Variants in FGF12 observed in about 807,000 individuals in gnomAD.
FGF12 encodes the protein fibroblast growth factor 12B.
FGF12 carries 14 observed loss-of-function variants against 23.6 expected under a neutral mutation model. The observed-to-expected ratio is 0.59, with a 90% CI of 0.39 to 0.93. FGF12 has a LOEUF of 0.93. Ranked by LOEUF, FGF12 falls within the 40% of genes least tolerant of loss-of-function variation. The pLI, the probability that FGF12 is intolerant of heterozygous loss-of-function variation, is 0.00. For missense variants in FGF12, 175 were observed against 217.8 expected, an observed-to-expected ratio of 0.80 and a Z score of 1.24; for synonymous variants, 62 against 77.3, an observed-to-expected ratio of 0.80 and a Z score of 1.04.
chr3:192,557,546 A>T (rs1313997149), intron 2 of FGF12, among the ~76,000 whole-genome samples: 4 of 151,934 alleles, frequency 2.6e-5, no homozygotes, highest in African/African-American at 9.7e-5. Context: ...AGAGAGGGGA[A>T]CACTTCAAAA....
chr3:192,421,874 G>A (rs1280969305), intron 2 of FGF12, among the ~76,000 whole-genome samples: 4 of 151,936 alleles, frequency 2.6e-5, no homozygotes, highest in Non-Finnish European at 4.4e-5. Context: ...AAGCTGCTAA[G>A]TTCTCCCAAT....
At chr3:192,649,310 C>A (rs949237546) in intron 2 of FGF12, among the ~76,000 whole-genome samples, 1 of 152,014 alleles carries the variant, frequency 6.6e-6, no homozygotes, top group African/African-American at 2.4e-5. Context: ...TAGAGTGACC[C>A]CAATGGTAAT....
intron 2 of FGF12, among the ~76,000 whole-genome samples, chr3:192,517,508 A>G (rs1022070438): frequency 3.9e-5 from 6 of 152,244 alleles, no homozygotes; most frequent in African/African-American, 1.2e-4. Flanking sequence ...TGGCTATCAC[A>G]GTGATTCTTA....
intron 3 of FGF12, among the ~76,000 whole-genome samples, chr3:192,344,292 T>C (rs78241883): frequency 0.036 from 5,497 of 152,220 alleles, 335 homozygotes; most frequent in African/African-American, 0.12. Flanking sequence ...GGAGTTTTCA[T>C]AGTAGGAGGA....
At chr3:192,587,905 A>G (rs1342358223) in intron 2 of FGF12, among the ~76,000 whole-genome samples, 1 of 151,930 alleles carries the variant, frequency 6.6e-6, no homozygotes, top group African/African-American at 2.4e-5. Flanking sequence ...CCACCTTCTT[A>G]AAACATGGGT....
At chr3:192,352,680 A>T (rs972450927) in intron 3 of FGF12, among the ~76,000 whole-genome samples, 1 of 152,204 alleles carries the variant, frequency 6.6e-6, no homozygotes, top group African/African-American at 2.4e-5. Context: ...TTTATTAAGA[A>T]TTACTGTGTT....
At chr3:192,173,725 T>C (rs1715704122) in intron 4 of FGF12, among the ~76,000 whole-genome samples, 1 of 152,158 alleles carries the variant, frequency 6.6e-6, no homozygotes, top group Non-Finnish European at 1.5e-5. Context: ...AGCAATACAT[T>C]CAATGTATAA....
chr3:192,643,541 G>A (rs7645323), intron 2 of FGF12, among the ~76,000 whole-genome samples: 117,361 of 152,116 alleles, frequency 0.77, 45,840 homozygotes, highest in African/African-American at 0.88. Flanking sequence ...CAGCCATGTT[G>A]TATTACACTA....
chr3:192,584,126 T>C (rs1713273822), intron 2 of FGF12, among the ~76,000 whole-genome samples: 1 of 152,212 alleles, frequency 6.6e-6, no homozygotes, highest in Non-Finnish European at 1.5e-5. Context: ...GCCTATGCTC[T>C]GTTTCAGAAG....
chr3:192,671,139 C>T (rs531337815), intron 2 of FGF12, among the ~76,000 whole-genome samples: 20 of 152,264 alleles, frequency 1.3e-4, no homozygotes, highest in African/African-American at 4.8e-4. Flanking sequence ...TTGAGGAAGA[C>T]AAAGACCAGG....
chr3:192,540,467 T>C (rs1725338345), intron 2 of FGF12, among the ~76,000 whole-genome samples: 2 of 152,206 alleles, frequency 1.3e-5, no homozygotes, highest in Non-Finnish European at 1.5e-5. Flanking sequence ...CTCTTGTTAA[T>C]GATTTCTAGT....
intron 2 of FGF12, among the ~76,000 whole-genome samples, chr3:192,445,752 T>G (rs574205033): frequency 1.1e-3 from 164 of 152,266 alleles, no homozygotes; most frequent in Non-Finnish European, 1.6e-3. Context: ...CTTGGAATCC[T>G]ATGGATTCAA....
At chr3:192,412,515 T>A (rs186196237) in intron 2 of FGF12, among the ~76,000 whole-genome samples, 1 of 152,324 alleles carries the variant, frequency 6.6e-6, no homozygotes, top group East Asian at 1.9e-4. Flanking sequence ...AATGTAGTGT[T>A]TTGGATTCAA....
chr3:192,236,040 A>G (rs1332655205), intron 4 of FGF12, among the ~76,000 whole-genome samples: 2 of 152,038 alleles, frequency 1.3e-5, no homozygotes, highest in African/African-American at 4.8e-5. Context: ...TATGTCCCAG[A>G]GATTCTGTTT....
intron 4 of FGF12, among the ~76,000 whole-genome samples, chr3:192,286,773 C>T (rs1018987149): frequency 2.6e-5 from 4 of 151,886 alleles, no homozygotes; most frequent in African/African-American, 9.7e-5. Context: ...TTTTTATCAA[C>T]AAGTGATCAA....
At chr3:192,606,729 C>G (rs1714353124) in intron 2 of FGF12, among the ~76,000 whole-genome samples, 1 of 152,014 alleles carries the variant, frequency 6.6e-6, no homozygotes, top group Non-Finnish European at 1.5e-5. Context: ...TGTCCAAGGT[C>G]ATACAGTTAT....
intron 2 of FGF12, among the ~76,000 whole-genome samples, chr3:192,677,449 A>G (rs1327994542): frequency 1.3e-5 from 2 of 152,226 alleles, no homozygotes; most frequent in Non-Finnish European, 2.9e-5. Context: ...CGTTTTATAC[A>G]TACACAGGGA....
At chr3:192,338,238 C>A (rs1464066607) in intron 3 of FGF12, among the ~76,000 whole-genome samples, 1 of 152,116 alleles carries the variant, frequency 6.6e-6, no homozygotes, top group East Asian at 1.9e-4. Flanking sequence ...CGCCTGCCAC[C>A]ACAACCCAGC....
intron 2 of FGF12, among the ~76,000 whole-genome samples, chr3:192,619,718 G>A (rs1714900743): frequency 6.6e-6 from 1 of 152,130 alleles, no homozygotes; most frequent in Non-Finnish European, 1.5e-5. Flanking sequence ...CGAAATTGGA[G>A]ATACATTGCT....
Sources: gnomAD v4.1 joint callset for allele counts (sites outside exome capture counted in the v4.1 genomes callset) on GRCh38, gnomAD v4.1.1 for gene constraint, MANE v1.5 for transcripts, NCBI Gene and HGNC (gene_info 2026-07-23, HGNC 2026-07-21) for gene names.